RALGAPA2: variants seen among roughly 807,000 people sequenced by gnomAD.
RALGAPA2 encodes ral GTPase-activating protein subunit alpha-2.
RALGAPA2 carries 139 observed loss-of-function variants against 230.4 expected under a neutral mutation model. The ratio of observed to expected loss-of-function variants is 0.60; its 90% CI spans 0.53 to 0.69. The LOEUF (loss-of-function observed/expected upper bound fraction) is 0.69. Among genes scored for constraint, RALGAPA2 ranks in the 30% least tolerant of loss-of-function variants. RALGAPA2 has a pLI of 0.00. For missense variants in RALGAPA2, 2,163 were observed against 2,276.0 expected (o/e 0.95, Z 1.01); for synonymous variants, 847 against 837.8 (o/e 1.01, Z -0.19).
chr20:20,467,649 C>T (rs1218273994), intron 37 of RALGAPA2, among the ~76,000 whole-genome samples: 2 of 152,142 alleles, frequency 1.3e-5, no homozygotes, highest in Non-Finnish European at 2.9e-5. Context: ...TCTGTCCCTT[C>T]CCATTTGAAG....
chr20:20,403,091 A>C (rs2059881544), intron 38 of RALGAPA2, among the ~76,000 whole-genome samples: 1 of 149,254 alleles, frequency 6.7e-6, no homozygotes, highest in Non-Finnish European at 1.5e-5. Context: ...GTGCGCCCCC[A>C]CCCCAGGTGT....
intron 27 of RALGAPA2, among the ~76,000 whole-genome samples, chr20:20,529,053 A>C (rs902106579): frequency 6.6e-6 from 1 of 152,238 alleles, no homozygotes; most frequent in East Asian, 1.9e-4. Context: ...TAGGTAAAAC[A>C]ACCCAGTTGC....
chr20:20,571,312 C>A, intron 23 of RALGAPA2, 146 bp downstream of exon 23: 1 of 910,508 alleles, frequency 1.1e-6, no homozygotes, highest in Admixed American at 3.2e-5. Context: ...TTTGAAAGAC[C>A]ATTGTGCTTG....
At chr20:20,501,938 G>C (rs146663780) in intron 35 of RALGAPA2, among the ~76,000 whole-genome samples, 111 of 152,210 alleles carry the variant, frequency 7.3e-4, no homozygotes, top group African/African-American at 2.7e-3. Context: ...AGAACACACC[G>C]AACATGTATG....
chr20:20,486,976 T>C (rs569646914), intron 36 of RALGAPA2, among the ~76,000 whole-genome samples: 1 of 152,358 alleles, frequency 6.6e-6, no homozygotes, highest in South Asian at 2.1e-4. Flanking sequence ...TTCTTATATG[T>C]TGTCCACTTT....
At chr20:20,490,847 C>T (rs1360610159) in intron 36 of RALGAPA2, among the ~76,000 whole-genome samples, 1 of 119,758 alleles carries the variant, frequency 8.4e-6, no homozygotes, top group East Asian at 2.4e-4. Context: ...AAGAGGGATG[C>T]ATGAACACAC....
intron 9 of RALGAPA2, among the ~76,000 whole-genome samples, chr20:20,633,923 T>C (rs1330745202): frequency 6.6e-6 from 1 of 152,158 alleles, no homozygotes; most frequent in Non-Finnish European, 1.5e-5. Flanking sequence ...TGACATCCTG[T>C]GGGGGGATGT....
intron 19 of RALGAPA2, among the ~76,000 whole-genome samples, chr20:20,584,414 C>T (rs915671072): frequency 2.0e-5 from 3 of 152,054 alleles, no homozygotes; most frequent in East Asian, 1.9e-4. Context: ...TCTCAAGGTA[C>T]GGGTGAGTAG....
chr20:20,429,841 G>C (rs1039783324), intron 37 of RALGAPA2, among the ~76,000 whole-genome samples: 1 of 152,102 alleles, frequency 6.6e-6, no homozygotes, highest in African/African-American at 2.4e-5. Context: ...CTTCCAAGGG[G>C]GTGAACCATT....
chr20:20,641,398 T>C (rs2067026096), intron 5 of RALGAPA2, among the ~76,000 whole-genome samples: 1 of 152,174 alleles, frequency 6.6e-6, no homozygotes, highest in Non-Finnish European at 1.5e-5. Context: ...TAATATGCCA[T>C]GTTGATAATG....
chr20:20,604,968 T>C (rs973195058), intron 15 of RALGAPA2, among the ~76,000 whole-genome samples: 3 of 152,228 alleles, frequency 2.0e-5, no homozygotes, highest in African/African-American at 7.2e-5. Flanking sequence ...TCCTTGCATC[T>C]TCCTTCTTGC....
Position 20,512,682 on chromosome 20 carries a change from C to A in RALGAPA2, c.4687G>T (p.Val1563Phe). The change falls in exon 32 of 40, where the codon GTC (valine) becomes TTC (phenylalanine). Residue 1563 changes from valine (V) to phenylalanine (F), a missense_variant. By Grantham distance (50) the Val-to-Phe change is conservative (BLOSUM62 -1). Transcript: ENST00000202677. The part of the protein sequence containing the change: ...NYDQEKEIIE[V>F]ILRQNAQEDE... The stretch of plus-strand genomic sequence containing the variant: ...TCTTGAGCATTTTGGCGCAAAATGA[C>A]CTCAATGATTTCCTTCTCTTGGTCA... 1 of 1,613,942 alleles carries A rather than the reference C, an allele frequency of 6.2e-7. No homozygotes were observed. Among genetic ancestry groups the A allele is most frequent in the Non-Finnish European group, 8.5e-7 (1 of 1,179,868 alleles).
intron 28 of RALGAPA2, among the ~76,000 whole-genome samples, chr20:20,525,573 C>T (rs1263746701): frequency 1.3e-5 from 2 of 152,158 alleles, no homozygotes; most frequent in South Asian, 2.1e-4. Context: ...GAAGTTTCCT[C>T]GAAGAGTTAC....
chr20:20,588,980 C>T (rs1020324681), intron 18 of RALGAPA2, among the ~76,000 whole-genome samples: 3 of 151,928 alleles, frequency 2.0e-5, no homozygotes, highest in South Asian at 4.2e-4. Flanking sequence ...GAATCTGAAA[C>T]GTAGGTTTAA....
chr20:20,504,168 C>CTCAAAACTCTAAT (rs1264044154), intron 34 of RALGAPA2, among the ~76,000 whole-genome samples: 1 of 152,086 alleles, frequency 6.6e-6, no homozygotes, highest in African/African-American at 2.4e-5. Context: ...AACATATACT[C>CTCAAAACTCTAAT]TCAAAACTCT....
At chr20:20,447,859 T>A (rs1043076913) in intron 37 of RALGAPA2, among the ~76,000 whole-genome samples, 5 of 152,180 alleles carry the variant, frequency 3.3e-5, no homozygotes, top group African/African-American at 1.2e-4. Context: ...GCATCCTCAG[T>A]GTAGCCAGCA....
chr20:20,588,876 G>GT (rs779121524), intron 18 of RALGAPA2, among the ~76,000 whole-genome samples: 16 of 149,010 alleles, frequency 1.1e-4, no homozygotes, highest in Non-Finnish European at 2.4e-4. Flanking sequence ...TTTGTTTTTT[G>GT]TTTTTTTTAA....
At chr20:20,499,897 G>A (rs1047815486) in intron 35 of RALGAPA2, among the ~76,000 whole-genome samples, 24 of 152,100 alleles carry the variant, frequency 1.6e-4, no homozygotes, top group East Asian at 1.9e-4. Context: ...AGACATATCC[G>A]CAATAGGTTT....
At chr20:20,585,012 CTT>C (rs1278826281) in intron 18 of RALGAPA2, 57 bp from the exon 19 acceptor site, 1 of 1,161,696 alleles carries the variant, frequency 8.6e-7, no homozygotes, top group Non-Finnish European at 1.2e-6. Context: ...TGTTATAAGA[CTT>C]AAGTTTCTAG....
Sources: gnomAD v4.1 joint callset for allele counts (sites outside exome capture counted in the v4.1 genomes callset) on GRCh38, gnomAD v4.1.1 for gene constraint, MANE v1.5 for transcripts, NCBI Gene and HGNC (gene_info 2026-07-23, HGNC 2026-07-21) for gene names.